The following FMO4 variants were observed in gnomAD, a reference collection of about 807,000 sequenced individuals.
FMO4 encodes dimethylaniline monooxygenase [N-oxide-forming] 4.
In FMO4, 38 loss-of-function variants were observed where a neutral mutation model predicts 43.3. The ratio of observed to expected loss-of-function variants is 0.88; its 90% CI spans 0.68 to 1.15. FMO4 has a LOEUF of 1.15. Ranked by LOEUF, FMO4 falls within the 50% of genes most tolerant of loss-of-function variation. FMO4 has a pLI of 0.00. For missense variants in FMO4, 631 were observed against 663.3 expected (o/e 0.95, Z 0.54); for synonymous variants, 224 against 232.2 (o/e 0.96, Z 0.32).
chr1:171,333,861 C>T (rs1300446277), intron 7 of FMO4, among the ~76,000 whole-genome samples: 3 of 151,976 alleles, frequency 2.0e-5, no homozygotes, highest in African/African-American at 7.3e-5. Context: ...CACTCTGTTG[C>T]CCAAGCTGGA....
At chr1:171,314,685 G>A (rs1037594934) in intron 1 of FMO4, among the ~76,000 whole-genome samples, 2 of 152,142 alleles carry the variant, frequency 1.3e-5, no homozygotes, top group East Asian at 3.9e-4. Flanking sequence ...TGACTCCAGT[G>A]ACCTCTGATT....
chr1:171,339,191 A>G (rs1385568544), intron 9 of FMO4, among the ~76,000 whole-genome samples: 2 of 152,176 alleles, frequency 1.3e-5, no homozygotes, highest in Non-Finnish European at 2.9e-5. Context: ...TTAGGTACAT[A>G]TGATGCTTTC....
At chr1:171,315,747 A>G (rs569576181) in intron 1 of FMO4, among the ~76,000 whole-genome samples, 4 of 152,302 alleles carry the variant, frequency 2.6e-5, no homozygotes, top group East Asian at 1.9e-4. Flanking sequence ...CTAATTCCCA[A>G]TTTGTTTCTA....
chr1:171,318,822 T>C (rs1026093480), intron 2 of FMO4, among the ~76,000 whole-genome samples: 3 of 152,264 alleles, frequency 2.0e-5, no homozygotes, highest in African/African-American at 7.2e-5. Flanking sequence ...TTATTATTAC[T>C]ATTAAAACGG....
At chr1:171,336,538 G>A (rs1395206411) in intron 8 of FMO4, among the ~76,000 whole-genome samples, 4 of 152,150 alleles carry the variant, frequency 2.6e-5, no homozygotes, top group African/African-American at 9.7e-5. Flanking sequence ...CTGCGAAACT[G>A]CCAGGCCCCT....
intron 3 of FMO4, among the ~76,000 whole-genome samples, chr1:171,321,805 G>A (rs1662441621): frequency 6.6e-6 from 1 of 152,116 alleles, no homozygotes; most frequent in Admixed American, 6.6e-5. Context: ...GTAGTCCGGT[G>A]GGAAACAGAA....
chr1:171,340,779 C>T (rs945316552), intron 9 of FMO4, among the ~76,000 whole-genome samples: 3 of 152,098 alleles, frequency 2.0e-5, no homozygotes, highest in Non-Finnish European at 4.4e-5. Context: ...TCGCTGTACA[C>T]TTTAAGATAT....
intron 5 of FMO4, 40 bp downstream of exon 5, chr1:171,324,340 G>A: frequency 6.6e-7 from 1 of 1,512,424 alleles, no homozygotes; most frequent in Non-Finnish European, 9.0e-7. Context: ...ATGCTTCTGG[G>A]TTCTTCTAGA....
At chr1:171,318,334 T>TAATAATAATAATAATAAG (rs1350236441) in intron 2 of FMO4, among the ~76,000 whole-genome samples, 1 of 150,758 alleles carries the variant, frequency 6.6e-6, no homozygotes, top group African/African-American at 2.4e-5. Flanking sequence ...ATAATAATAA[T>TAATAATAATAATAATAAG]AATAATAATA....
chr1:171,335,450 A>G (rs374343834), intron 8 of FMO4, among the ~76,000 whole-genome samples: 24 of 152,334 alleles, frequency 1.6e-4, no homozygotes, highest in Admixed American at 9.1e-4. Flanking sequence ...TGCTATTGCT[A>G]TCATACCTCT....
At chr1:171,316,810 CCTT>C in intron 2 of FMO4, among the ~76,000 whole-genome samples, 1 of 152,192 alleles carries the variant, frequency 6.6e-6, no homozygotes, top group Non-Finnish European at 1.5e-5. Context: ...CCTAGGAAAT[CCTT>C]CTGATCCTCA....
At chr1:171,329,418 C>T (rs1258935623) in intron 5 of FMO4, among the ~76,000 whole-genome samples, 1 of 152,188 alleles carries the variant, frequency 6.6e-6, no homozygotes, top group African/African-American at 2.4e-5. Context: ...GTTAGGGCCT[C>T]ATCGTGTGTT....
intron 5 of FMO4, among the ~76,000 whole-genome samples, chr1:171,330,304 A>T (rs56876248): frequency 6.6e-6 from 1 of 152,178 alleles, no homozygotes; most frequent in African/African-American, 2.4e-5. Flanking sequence ...GCCTCATCAC[A>T]ATTGTTTCCT....
Position 171,341,538 on chromosome 1 carries a change from G to A in FMO4, c.1376G>A (p.Trp459Ter). Residue 459 changes from tryptophan to a stop codon, truncating the protein, a stop_gained, in exon 10 of 10, where the codon TGG becomes TAG. Transcript: ENST00000367749. LOFTEE classifies it low-confidence loss of function (END_TRUNC). Reference sequence around the variant, plus strand: ...TTCCTCAAGGATCCCAGACTAGCTTGGGAAGTTTTCTTTGGACCATGTACT... The same window carrying A: ...TTCCTCAAGGATCCCAGACTAGCTTAGGAAGTTTTCTTTGGACCATGTACT... ...LLFLKDPRLAWEVFFGPCTPY... is the reference protein window; with the variant it reads ...LLFLKDPRLA The A allele has an allele frequency of 6.2e-7, 1 of 1,614,036 alleles. No homozygotes were observed. Among genetic ancestry groups the A allele is most frequent in the Non-Finnish European group, 8.5e-7 (1 of 1,179,962 alleles).
intron 7 of FMO4, chr1:171,333,248 G>T: frequency 4.3e-6 from 1 of 231,138 alleles, no homozygotes; most frequent in South Asian, 5.6e-5. Flanking sequence ...GTTGAGACAG[G>T]GTTTTACTCC....
chr1:171,318,036 C>A (rs1322093638), intron 2 of FMO4, among the ~76,000 whole-genome samples: 1 of 152,120 alleles, frequency 6.6e-6, no homozygotes, highest in African/African-American at 2.4e-5. Context: ...TGGGACCAGG[C>A]CGGGCACGGT....
chr1:171,319,940 G>A lies in FMO4; in HGVS notation c.115G>A (p.Gly39Arg), dbSNP rs200385793. 1 of 1,613,816 alleles carries A rather than the reference G, an allele frequency of 6.2e-7. No individual in the cohort carries two copies. The highest frequency in any genetic ancestry group is 1.1e-5 in the South Asian group (1 of 91,072). Residue 39 changes from glycine to arginine, a missense_variant, in exon 3 of 10, where the codon GGA (glycine) becomes AGA (arginine). Physicochemically the swap from Gly to Arg is moderately radical, Grantham distance 125. Coordinates refer to ENST00000367749, the MANE Select transcript of FMO4 (RefSeq NM_002022.3). Reference protein sequence around the residue: ...TCFERSDDIGGLWKFTESSKD... With the variant: ...TCFERSDDIGRLWKFTESSKD... ...CTTTGAGAGAAGTGATGACATTGGG[G>A]GATTATGGAAGTTTACTGTACGTGG...
chr1:171,322,902 G>C (rs113519857), intron 3 of FMO4, 102 bp from the exon 4 acceptor site: 4 of 774,558 alleles, frequency 5.2e-6, no homozygotes. Context: ...AACATTAATT[G>C]CTATAACCCG....
intron 6 of FMO4, among the ~76,000 whole-genome samples, chr1:171,332,143 T>A (rs1371508055): frequency 4.6e-5 from 7 of 152,126 alleles, no homozygotes; most frequent in Non-Finnish European, 8.8e-5. Context: ...TCTGGTAAAA[T>A]CCCTATGTAA....
Sources: allele counts gnomAD v4.1 joint callset (sites outside exome capture counted in the v4.1 genomes callset), GRCh38; gene constraint gnomAD v4.1.1; transcripts MANE v1.5; gene names NCBI Gene and HGNC (gene_info 2026-07-23, HGNC 2026-07-21).